The following STKLD1 variants were observed in gnomAD, a reference collection of about 807,000 sequenced individuals.
STKLD1 encodes serine/threonine kinase-like domain-containing protein STKLD1.
Under a neutral mutation model 80.4 loss-of-function variants are expected in STKLD1, and 79 were observed. The observed-to-expected ratio is 0.98, with a 90% CI of 0.82 to 1.19. The LOEUF (loss-of-function observed/expected upper bound fraction) is 1.19. Among genes scored for constraint, STKLD1 ranks in the 50% most tolerant of loss-of-function variants. STKLD1 has a pLI of 0.00. For synonymous variants in STKLD1, 393 were observed against 357.6 expected (o/e 1.10, Z -1.12); for missense variants, 841 against 856.0 (o/e 0.98, Z 0.22).
chr9:133,405,231 A>G (rs782268759), intron 17 of STKLD1, 21 bp from the exon 18 acceptor site: 1 of 1,581,198 alleles, frequency 6.3e-7, no homozygotes, highest in South Asian at 1.2e-5. Flanking sequence ...TGGCCTCAGG[A>G]CCTTCCTGCT....
At chr9:133,388,776 A>C in intron 5 of STKLD1, 1 of 985,356 alleles carries the variant, frequency 1.0e-6, no homozygotes, top group Non-Finnish European at 1.2e-6. Context: ...TACCCTGAGA[A>C]CTGTGTTTGG....
intron 7 of STKLD1, among the ~76,000 whole-genome samples, chr9:133,392,154 G>A (rs1007775425): frequency 2.7e-5 from 4 of 149,314 alleles, no homozygotes; most frequent in African/African-American, 9.9e-5. Context: ...TCGGCTCACT[G>A]CAAGCTCCGC....
chr9:133,394,514 T>C lies in STKLD1; in HGVS notation c.702+105T>C. ...TGCCTCCCCTCTGCATCCCTTCCCC[T>C]GGCTCTCTGCAGGCTGCACAGAGCC... On this transcript the variant is annotated intron_variant, in intron 8 of 17. Coordinates refer to ENST00000371957, the MANE Select transcript of STKLD1 (RefSeq NM_153710.5). This position sits in a 1 kb window ranked among gnomAD's most constrained non-coding sequence, Gnocchi z 4.9. The C allele has an allele frequency of 2.4e-6, 2 of 828,998 alleles. No homozygotes were observed. Among genetic ancestry groups the C allele is most frequent in the Non-Finnish European group, 2.1e-6 (1 of 487,106 alleles). The allele number at this position is 828,998 out of a possible 1,614,324, so 51.4% of individuals were successfully genotyped here. A position where few individuals can be genotyped will look rare whatever the true frequency, so the allele number is the denominator to read the frequency against.
Position 133,404,899 on chromosome 9 carries a change from G to A in STKLD1, c.1843G>A (p.Gly615Ser), listed in dbSNP as rs35683622. The change falls in exon 17 of 18, where the codon GGC becomes AGC. Residue 615 changes from glycine to serine, a missense_variant. Coordinates refer to ENST00000371957, the MANE Select transcript of STKLD1 (RefSeq NM_153710.5). ...RDDPEVVENV[G>S]MLLVHLASYE... ...CGACCCGGAGGTGGTGGAGAACGTG[G>A]GCATGCTGCTGGTCCACCTGGCTTC... is the stretch of plus-strand genomic sequence containing the variant. 1 of 1,613,402 alleles carries A rather than the reference G, an allele frequency of 6.2e-7. No individual in the cohort carries two copies. The highest frequency in any genetic ancestry group is 8.5e-7 in the Non-Finnish European group (1 of 1,179,810).
chr9:133,401,754 G>A lies in STKLD1; in HGVS notation c.1215G>A (p.Pro405=), dbSNP rs782543174. The change falls in exon 13 of 18, where the codon CCG becomes CCA. Residue 405 remains proline (P), a synonymous_variant. Coordinates refer to ENST00000371957, the MANE Select transcript of STKLD1 (RefSeq NM_153710.5). Reference sequence around the variant, plus strand: ...CTTGAGCAGCGCTGGTGCACCACCCGGAAGCCAAGGCTCCCTGCAACCAAG... The same window carrying A: ...CTTGAGCAGCGCTGGTGCACCACCCAGAAGCCAAGGCTCCCTGCAACCAAG... The part of the protein sequence containing the change: ...HLLGQALVHH[P]EAKAPCNQAI... 29 of 1,612,650 alleles carry A rather than the reference G, an allele frequency of 1.8e-5. No homozygotes were observed. The highest frequency in any genetic ancestry group is 3.3e-5 in the South Asian group (3 of 91,042).
chr9:133,383,667 G>A (rs914314368), intron 2 of STKLD1, among the ~76,000 whole-genome samples, 189 bp from the exon 3 acceptor site: 22 of 151,226 alleles, frequency 1.5e-4, no homozygotes, highest in Non-Finnish European at 2.9e-4. Flanking sequence ...TGATGGTGAT[G>A]ATGGTGATGG....
intron 7 of STKLD1, among the ~76,000 whole-genome samples, chr9:133,391,148 G>A (rs1030896431): frequency 7.4e-5 from 11 of 149,270 alleles, no homozygotes; most frequent in African/African-American, 2.7e-4. Flanking sequence ...GGGGGGGTCA[G>A]CCCCCCGCCC....
chr9:133,383,668 A>ATGGTGATGG (rs1838203913), intron 2 of STKLD1, among the ~76,000 whole-genome samples, 188 bp from the exon 3 acceptor site: 1 of 119,174 alleles, frequency 8.4e-6, no homozygotes, highest in Non-Finnish European at 1.8e-5. Flanking sequence ...GATGGTGATG[A>ATGGTGATGG]TGGTGATGGT....
intron 13 of STKLD1, 134 bp downstream of exon 13, chr9:133,402,012 C>A: frequency 8.8e-7 from 1 of 1,134,766 alleles, no homozygotes; most frequent in Non-Finnish European, 1.2e-6. Flanking sequence ...TACATGGTGG[C>A]ATTTGGCCGT....
Position 133,403,012 on chromosome 9 carries a change from G to A in STKLD1, c.1474G>A (p.Gly492Ser), listed in dbSNP as rs905294951. ...CCTGCTCTGGGCCCTCCTGCTGGAC[G>A]GTGAGGGGCCCTCCTCCTGCTGTCC... ...LGLLWALLLD[G>S]IIVNKAPLEK... Residue 492 changes from glycine (G) to serine (S), a missense_variant and splice_region_variant, in exon 14 of 18, where the codon GGT becomes AGT. Transcript: ENST00000371957. 1.1e-5 allele frequency: 17 copies of A among 1,563,566 alleles called. No homozygotes were observed. The African/African-American group carries it at 1.4e-4, about 12-fold the overall frequency.
At chr9:133,397,780 A>T (rs782530208) in intron 10 of STKLD1, among the ~76,000 whole-genome samples, 192 bp from the exon 11 acceptor site, 1 of 152,164 alleles carries the variant, frequency 6.6e-6, no homozygotes, top group Non-Finnish European at 1.5e-5. Context: ...GGTTCTATTA[A>T]GGAAAAGTTG....
chr9:133,392,599 A>ATGGG (rs1374605775), intron 7 of STKLD1, among the ~76,000 whole-genome samples: 5 of 41,752 alleles, frequency 1.2e-4, no homozygotes, highest in East Asian at 1.1e-3. Context: ...GGATGGATGG[A>ATGGG]TGGGTGGATG....
intron 1 of STKLD1, among the ~76,000 whole-genome samples, chr9:133,378,669 A>C (rs2130258316): frequency 6.6e-6 from 1 of 152,362 alleles, no homozygotes; most frequent in East Asian, 1.9e-4. Context: ...TTCTTGTTGG[A>C]AACCAGTTGG....
intron 1 of STKLD1, among the ~76,000 whole-genome samples, chr9:133,377,708 G>A (rs1191178492): frequency 6.6e-6 from 1 of 152,058 alleles, no homozygotes; most frequent in Non-Finnish European, 1.5e-5. Flanking sequence ...TTTGGCACAA[G>A]GGACCAGTTT....
intron 2 of STKLD1, among the ~76,000 whole-genome samples, chr9:133,379,565 C>T (rs1053536395): frequency 6.6e-6 from 1 of 152,204 alleles, no homozygotes; most frequent in Non-Finnish European, 1.5e-5. Context: ...CCAGTTTTAC[C>T]AAAAGGGAGC....
chr9:133,377,222 T>TA (rs2130253101), intron 1 of STKLD1, among the ~76,000 whole-genome samples: 8,768 of 150,934 alleles, frequency 0.058, 345 homozygotes, highest in Non-Finnish European at 0.088. Context: ...TTTTTCAGAT[T>TA]AAAAAAAAAT....
chr9:133,383,332 A>ACAG (rs1187143592), intron 2 of STKLD1, among the ~76,000 whole-genome samples: 6 of 1,818 alleles, frequency 3.3e-3, no homozygotes, highest in South Asian at 0.027. Flanking sequence ...GATGGTGGTG[A>ACAG]TGGTGATGGT....
At chr9:133,387,648 A>T in intron 5 of STKLD1, 100 bp downstream of exon 5, 1 of 900,180 alleles carries the variant, frequency 1.1e-6, no homozygotes, top group African/African-American at 1.6e-5. Flanking sequence ...GGCACCATGG[A>T]GTCCAGCCTT....
Position 133,401,862 on chromosome 9 carries a change from C to CA in STKLD1, c.1324dup (p.Ile442AsnfsTer102). On this transcript the variant is annotated frameshift_variant, in exon 13 of 18. Transcript: ENST00000371957. LOFTEE classifies it high-confidence loss of function. ...TTGTCATGGTCTACAGCCTGCTAGC[C>CA]ATCACCACAACCCAGGGTGTGTCTG... 2 of 1,613,532 alleles carry CA rather than the reference C, an allele frequency of 1.2e-6. No homozygotes were observed. Among genetic ancestry groups the CA allele is most frequent in the Non-Finnish European group, 1.7e-6 (2 of 1,180,008 alleles).
Sources: gnomAD v4.1 joint callset for allele counts (sites outside exome capture counted in the v4.1 genomes callset) on GRCh38, gnomAD v4.1.1 for gene constraint, Gnocchi (gnomAD v3.1) non-coding constraint, MANE v1.5 for transcripts, NCBI Gene and HGNC (gene_info 2026-07-23, HGNC 2026-07-21) for gene names.